SUPT3H: variants seen among roughly 807,000 people sequenced by gnomAD.
SUPT3H encodes the protein transcription initiation protein SPT3 homolog.
In SUPT3H, 44 loss-of-function variants were observed where a neutral mutation model predicts 44.3. That is an observed-to-expected ratio of 0.99 (90% confidence interval 0.78 to 1.28). The LOEUF (loss-of-function observed/expected upper bound fraction) is 1.28, where lower values mean the gene tolerates loss of function less well. SUPT3H is among the 50% of genes most tolerant of loss of function. SUPT3H has a pLI of 0.00. For synonymous variants in SUPT3H, 124 were observed against 125.6 expected (o/e 0.99, Z 0.09); for missense variants, 380 against 387.1 (o/e 0.98, Z 0.15).
At position 44,921,110 on chromosome 6, in the gene SUPT3H, C is replaced by T. The variant is rs183205230; in HGVS notation, c.912+11543G>A. Among the ~76,000 whole-genome samples the T allele has an allele frequency of 1.8e-3, 272 of 152,288 alleles. 1 individual carries two copies. Among genetic ancestry groups the T allele is most frequent in the African/African-American group, 6.1e-3 (254 of 41,570 alleles). ...GGATAACTGGTTTCTTATCTCCATA[C>T]ACCATACCTCCCTCCCAATATATTT... On this transcript the variant is annotated intron_variant, in intron 10 of 10. Coordinates refer to ENST00000371459, the MANE Select transcript of SUPT3H (RefSeq NM_003599.4).
At chr6:45,059,584 C>T (rs1791657329) in intron 3 of SUPT3H, among the ~76,000 whole-genome samples, 1 of 151,992 alleles carries the variant, frequency 6.6e-6, no homozygotes, top group African/African-American at 2.4e-5. Flanking sequence ...AAGTTATGGT[C>T]AGGGCAATCA....
chr6:45,047,714 T>C (rs1490547302), intron 3 of SUPT3H, among the ~76,000 whole-genome samples: 1 of 152,152 alleles, frequency 6.6e-6, no homozygotes, highest in Non-Finnish European at 1.5e-5. Flanking sequence ...CCACCACTAG[T>C]GTGCAAAGGT....
chr6:44,834,015 G>A (rs1036446500), intron 10 of SUPT3H, among the ~76,000 whole-genome samples: 1 of 152,150 alleles, frequency 6.6e-6, no homozygotes, highest in Non-Finnish European at 1.5e-5. Context: ...TTTAAGAATA[G>A]TGTATAGTAT....
chr6:44,889,110 T>A (rs1762833434), intron 10 of SUPT3H, among the ~76,000 whole-genome samples: 1 of 151,448 alleles, frequency 6.6e-6, no homozygotes, highest in African/African-American at 2.4e-5. Context: ...CTCAATGAAA[T>A]AAAAGAGGAT....
At chr6:44,823,535 G>A (rs1767509538), downstream of SUPT3H, among the ~76,000 whole-genome samples, 1 of 152,186 alleles carries the variant, frequency 6.6e-6, no homozygotes, top group Non-Finnish European at 1.5e-5. Flanking sequence ...CTCTGTGATT[G>A]TCACAGGAAC....
chr6:44,819,789 AAG>A, intron 11 of SUPT3H, among the ~76,000 whole-genome samples: 1 of 152,120 alleles, frequency 6.6e-6, no homozygotes, highest in East Asian at 1.9e-4. Context: ...AAAAAGAAAA[AAG>A]GAAATATATT....
intron 2 of SUPT3H, among the ~76,000 whole-genome samples, chr6:45,353,790 TA>T (rs1228215413): frequency 1.3e-5 from 2 of 152,024 alleles, no homozygotes; most frequent in South Asian, 2.1e-4. Flanking sequence ...TTTTTTTTTT[TA>T]ATCACTATAT....
intron 10 of SUPT3H, among the ~76,000 whole-genome samples, chr6:44,891,450 A>G (rs913088293): frequency 9.2e-5 from 14 of 152,306 alleles, no homozygotes; most frequent in Non-Finnish European, 1.9e-4. Flanking sequence ...TACACATTAC[A>G]ATAAGTATAA....
chr6:44,816,691 A>C (rs1354890254), intron 11 of SUPT3H, among the ~76,000 whole-genome samples: 1 of 152,164 alleles, frequency 6.6e-6, no homozygotes, highest in Non-Finnish European at 1.5e-5. Context: ...GACATTACAA[A>C]AACTCCAGAT....
At chr6:44,859,250 C>G (rs970517523) in intron 10 of SUPT3H, among the ~76,000 whole-genome samples, 3 of 152,234 alleles carry the variant, frequency 2.0e-5, no homozygotes, top group African/African-American at 7.2e-5. Flanking sequence ...AACTTATAGA[C>G]TAATCCAAAG....
At chr6:45,077,434 C>T (rs1430517672) in intron 3 of SUPT3H, among the ~76,000 whole-genome samples, 1 of 151,672 alleles carries the variant, frequency 6.6e-6, no homozygotes, top group Non-Finnish European at 1.5e-5. Flanking sequence ...TGAAACCAGC[C>T]TGGGCAACAT....
chr6:45,142,233 G>C lies in SUPT3H; in HGVS notation c.102-36227C>G, dbSNP rs1017169647. On this transcript the variant is annotated intron_variant, in intron 2 of 10. Transcript: ENST00000371459. ...CATTACTACCAAGCCAGCACTACAAGAAATGCTAAAAGAAGTTCTAAATCT... is the reference window on the plus strand; with the variant it reads ...CATTACTACCAAGCCAGCACTACAACAAATGCTAAAAGAAGTTCTAAATCT... Among the ~76,000 whole-genome samples, 12 of 152,018 alleles carry C rather than the reference G, an allele frequency of 7.9e-5. 1 individual carries two copies. The highest frequency in any genetic ancestry group is 4.1e-4 in the South Asian group (2 of 4,826).
At chr6:45,290,026 A>G (rs1390009898) in intron 2 of SUPT3H, among the ~76,000 whole-genome samples, 1 of 152,034 alleles carries the variant, frequency 6.6e-6, no homozygotes, top group Non-Finnish European at 1.5e-5. Flanking sequence ...AAAAATTTTA[A>G]AAAGTTAGTC....
chr6:44,897,367 A>C (rs576228669), intron 10 of SUPT3H, among the ~76,000 whole-genome samples: 1 of 152,210 alleles, frequency 6.6e-6, no homozygotes, highest in Non-Finnish European at 1.5e-5. Flanking sequence ...ATATTCACTT[A>C]AAATATAGTG....
At chr6:44,886,080 GA>G (rs1191640718) in intron 10 of SUPT3H, among the ~76,000 whole-genome samples, 1 of 152,166 alleles carries the variant, frequency 6.6e-6, no homozygotes, top group African/African-American at 2.4e-5. Flanking sequence ...AGAATAAAAA[GA>G]AACGAACAAT....
intron 2 of SUPT3H, among the ~76,000 whole-genome samples, chr6:45,116,152 G>C (rs1800808150): frequency 1.3e-5 from 2 of 152,106 alleles, no homozygotes; most frequent in African/African-American, 4.8e-5. Flanking sequence ...CTGAATGACA[G>C]GCTCGTTATT....
At chr6:45,078,447 T>TCG (rs1229057770) in intron 3 of SUPT3H, among the ~76,000 whole-genome samples, 4 of 152,204 alleles carry the variant, frequency 2.6e-5, no homozygotes, top group African/African-American at 9.6e-5. Flanking sequence ...ATTTACACAG[T>TCG]ATCGTTACAG....
chr6:45,219,557 CCA>C (rs1005440072), intron 2 of SUPT3H, among the ~76,000 whole-genome samples: 3 of 152,116 alleles, frequency 2.0e-5, no homozygotes, highest in Admixed American at 1.3e-4. Context: ...TCCTTGAAAA[CCA>C]CACAGTACCA....
intron 2 of SUPT3H, among the ~76,000 whole-genome samples, chr6:45,288,775 A>G (rs764031223): frequency 8.6e-5 from 13 of 151,888 alleles, no homozygotes; most frequent in Non-Finnish European, 1.6e-4. Flanking sequence ...TTACCATTAT[A>G]AAGAACACAA....
Sources: gnomAD v4.1 joint callset for allele counts (sites outside exome capture counted in the v4.1 genomes callset) on GRCh38, gnomAD v4.1.1 for gene constraint, MANE v1.5 for transcripts, NCBI Gene and HGNC (gene_info 2026-07-23, HGNC 2026-07-21) for gene names.